LHX3: variants seen among roughly 807,000 people sequenced by gnomAD.
LHX3 encodes the protein LIM/homeobox protein Lhx3.
A neutral mutation model predicts 32.4 loss-of-function variants in LHX3; 21 were observed. That is an observed-to-expected ratio of 0.65 (90% confidence interval 0.46 to 0.93). The LOEUF is 0.93. Ranked by LOEUF, LHX3 falls within the 40% of genes least tolerant of loss-of-function variation. LHX3 has a pLI of 0.00. For missense variants in LHX3, 626 were observed against 560.0 expected, an observed-to-expected ratio of 1.12 and a Z score of -1.19; for synonymous variants, 258 against 246.8, an observed-to-expected ratio of 1.05 and a Z score of -0.43.
rs575944949 is a variant in LHX3 at position 136,196,983 on chromosome 9, C to A, written c.*342G>T. On this transcript the variant is annotated 3_prime_UTR_variant, in exon 6 of 6. Transcript: ENST00000371748. Reference sequence around the variant, plus strand: ...GAGATGAAAGCGTTTTTCCAGCCCTCGGGCTATGCTGGGCTGGGCTGGGCC... The same window carrying A: ...GAGATGAAAGCGTTTTTCCAGCCCTAGGGCTATGCTGGGCTGGGCTGGGCC... The A allele has an allele frequency of 1.3e-5, 5 of 385,434 alleles. No homozygotes were observed. Among genetic ancestry groups the A allele is most frequent in the Non-Finnish European group, 2.4e-5 (5 of 211,800 alleles). The allele number at this position is 385,434 out of a possible 1,614,324, so 23.9% of individuals were successfully genotyped here.
At chr9:136,203,493 A>C (rs1831695631) in intron 1 of LHX3, among the ~76,000 whole-genome samples, 2 of 152,140 alleles carry the variant, frequency 1.3e-5, no homozygotes, top group Non-Finnish European at 2.9e-5. Flanking sequence ...GGGGTCGAGA[A>C]GGCAGCAGGG....
At position 136,199,697 on chromosome 9, in the gene LHX3, G is replaced by GT; in HGVS notation, c.434dup (p.Tyr145Ter). Residue 145 changes from tyrosine to a stop codon, truncating the protein, a stop_gained and frameshift_variant, in exon 3 of 6, where the codon TAC becomes TAAC. Coordinates refer to ENST00000371748, the MANE Select transcript of LHX3 (RefSeq NM_178138.6). LOFTEE classifies it high-confidence loss of function. ...EDSRLVCKAD[Y>*]ETAKQREAEA... The stretch of plus-strand genomic sequence containing the variant: ...GCTGACCTCGCTGCTTGGCGGTTTC[G>GT]TAGTCCGCCTTGCACACGAGCCGGC... The GT allele has an allele frequency of 6.2e-7, 1 of 1,612,890 alleles. No homozygotes were observed.
In LHX3 at chr9:136,197,566, G is replaced by A. The variant is rs1209604946; in HGVS notation, c.953C>T (p.Pro318Leu). The A allele has an allele frequency of 1.3e-6, 2 of 1,533,186 alleles. No individual in the cohort carries two copies. The highest frequency in any genetic ancestry group is 1.8e-6 in the Non-Finnish European group (2 of 1,137,156). The allele number at this position is 1,533,186 out of a possible 1,614,324, so 95.0% of individuals were successfully genotyped here. A position where few individuals can be genotyped will look rare whatever the true frequency, so the allele number is the denominator to read the frequency against. ...ELRPGSPYGV[P>L]PSPAAPQSLP... Reference sequence around the variant, plus strand: ...GCTCTGCGGGGCGGCGGGGGATGGGGGGACACCGTAGGGGCTGCCGGGACG... The same window carrying A: ...GCTCTGCGGGGCGGCGGGGGATGGGAGGACACCGTAGGGGCTGCCGGGACG... Residue 318 changes from proline (P) to leucine (L), a missense_variant, in exon 6 of 6, where the codon CCC becomes CTC. Physicochemically the swap from Pro to Leu is moderately conservative, Grantham distance 98. Coordinates refer to ENST00000371748, the MANE Select transcript of LHX3 (RefSeq NM_178138.6).
intron 1 of LHX3, among the ~76,000 whole-genome samples, chr9:136,203,731 G>C (rs1161466811): frequency 6.6e-6 from 1 of 152,208 alleles, no homozygotes; most frequent in Non-Finnish European, 1.5e-5. Flanking sequence ...CTGTGTCCTG[G>C]ACACGCAGCC....
In LHX3 at chr9:136,197,525, G is replaced by C; in HGVS notation, c.994C>G (p.Pro332Ala). ...GGGTACACCAGGCTGGAGAGGAGGG[G>C]CTGGGGGCCAGGGAGGCTCTGCGGG... ...AAPQSLPGPQPLLSSLVYPDT... is the reference protein window; with the variant it reads ...AAPQSLPGPQALLSSLVYPDT... The change falls in exon 6 of 6, where the codon CCC (proline) becomes GCC (alanine). Residue 332 changes from proline to alanine, a missense_variant. Coordinates refer to ENST00000371748, the MANE Select transcript of LHX3 (RefSeq NM_178138.6). 2 of 1,535,186 alleles carry C rather than the reference G, an allele frequency of 1.3e-6. No individual in the cohort carries two copies. The highest frequency in any genetic ancestry group is 1.8e-6 in the Non-Finnish European group (2 of 1,137,278).
chr9:136,202,457 G>C (rs1186865545), intron 1 of LHX3, among the ~76,000 whole-genome samples: 1 of 152,208 alleles, frequency 6.6e-6, no homozygotes, highest in African/African-American at 2.4e-5. Context: ...CCTGAGCGGG[G>C]ATAAACCGAG....
chr9:136,204,755 G>A (rs1409176421), intron 1 of LHX3, among the ~76,000 whole-genome samples, 179 bp downstream of exon 1: 6 of 152,170 alleles, frequency 3.9e-5, no homozygotes, highest in Non-Finnish European at 8.8e-5. Context: ...GCAGGCCAGC[G>A]TCAGGCCCTC....
At chr9:136,203,082 T>G in intron 1 of LHX3, 4 of 1,464,576 alleles carry the variant, frequency 2.7e-6, no homozygotes, top group East Asian at 2.9e-5. Context: ...TCCCGAACTT[T>G]CCCGGGCCCA....
intron 1 of LHX3, chr9:136,201,451 C>T: frequency 8.2e-7 from 1 of 1,220,820 alleles, no homozygotes. Flanking sequence ...CACTTCGGTA[C>T]TGCAGGCCCC....
At chr9:136,201,739 C>CA in intron 1 of LHX3, 1 of 977,940 alleles carries the variant, frequency 1.0e-6, no homozygotes, top group Non-Finnish European at 1.2e-6. Context: ...TGCGCCTCCC[C>CA]ACGCAGTGGC....
rs1316330219 is a variant in LHX3, at chr9:136,198,617, CG to C, written c.775+34del. 2.0e-6 allele frequency: 3 copies of C among 1,484,322 alleles called. No individual in the cohort carries two copies. In the African/African-American group the frequency reaches 4.6e-5, roughly 23 times the overall value. The allele number at this position is 1,484,322 out of a possible 1,614,324, so 91.9% of individuals were successfully genotyped here. A position where few individuals can be genotyped will look rare whatever the true frequency, so the allele number is the denominator to read the frequency against. On this transcript the variant is annotated intron_variant, in intron 5 of 5. Transcript: ENST00000371748. ...CCCTGCGACCCCGCCGACGCGCGCT[CG>C]TCCCCCCCCGAGCTCCGCGATCCCT...
rs766547912 is a variant in LHX3 at position 136,198,769 on chromosome 9, C to A, written c.658G>T (p.Gly220Cys). The A allele has an allele frequency of 3.1e-6, 5 of 1,611,000 alleles. No individual in the cohort carries two copies. In the African/African-American group the frequency reaches 6.7e-5, roughly 22 times the overall value. Reference sequence around the variant, plus strand: ...AAATACTGCCCCCAGCGCTGCCGGCCGGCGTCCTTCTTCAGCCTCTTCTCC... The same window carrying A: ...AAATACTGCCCCCAGCGCTGCCGGCAGGCGTCCTTCTTCAGCCTCTTCTCC... ...AKEKRLKKDAGRQRWGQYFRN... is the reference protein window; with the variant it reads ...AKEKRLKKDACRQRWGQYFRN... Residue 220 changes from glycine (G) to cysteine (C), a missense_variant, in exon 5 of 6, where the codon GGC becomes TGC. Gly to Cys is a radical substitution (Grantham distance 159, BLOSUM62 -3). Transcript: ENST00000371748.
In LHX3 at chr9:136,197,568, G is replaced by A. The variant is rs769030989; in HGVS notation, c.951C>T (p.Val317=). The A allele has an allele frequency of 1.3e-6, 2 of 1,532,104 alleles. No individual in the cohort carries two copies. The highest frequency in any genetic ancestry group is 2.0e-5 in the Admixed American group (1 of 50,478). 94.9% of individuals were successfully genotyped at this position (1,532,104 alleles called of 1,614,324 possible). A position where few individuals can be genotyped will look rare whatever the true frequency, so the allele number is the denominator to read the frequency against. Reference sequence around the variant, plus strand: ...TCTGCGGGGCGGCGGGGGATGGGGGGACACCGTAGGGGCTGCCGGGACGCA... The same window carrying A: ...TCTGCGGGGCGGCGGGGGATGGGGGAACACCGTAGGGGCTGCCGGGACGCA... The part of the protein sequence containing the change: ...RELRPGSPYG[V]PPSPAAPQSL... Residue 317 remains valine (V), a synonymous_variant, in exon 6 of 6, where the codon GTC becomes GTT. Transcript: ENST00000371748.
intron 1 of LHX3, among the ~76,000 whole-genome samples, chr9:136,202,530 C>A (rs1831670281): frequency 6.6e-6 from 1 of 152,212 alleles, no homozygotes; most frequent in Non-Finnish European, 1.5e-5. Context: ...CGGAGTTCAG[C>A]TCGACCTTGG....
rs376405589 is a variant in LHX3 at position 136,197,758 on chromosome 9, G to T, written c.776-15C>A. 1.0e-4 allele frequency: 167 copies of T among 1,599,144 alleles called. No individual in the cohort carries two copies. Among genetic ancestry groups the T allele is most frequent in the Non-Finnish European group, 1.4e-4 (164 of 1,179,542 alleles). On this transcript the variant is annotated splice_polypyrimidine_tract_variant and intron_variant, in intron 5 of 5. Coordinates refer to ENST00000371748, the MANE Select transcript of LHX3 (RefSeq NM_178138.6). ...GGAAGGCTCATCTGCAACAGAAGCA[G>T]AGGCTCAGTCAGCGCCTGCCCTCCA...
chr9:136,199,670 C>A lies in LHX3; in HGVS notation c.454+8G>T, dbSNP rs2131034352. The A allele has an allele frequency of 1.2e-6, 2 of 1,612,734 alleles. No homozygotes were observed. Among genetic ancestry groups the A allele is most frequent in the Admixed American group, 3.3e-5 (2 of 60,024 alleles). On this transcript the variant is annotated splice_region_variant and intron_variant, in intron 3 of 5. Transcript: ENST00000371748. ...AGGAAAGGTGGGAGCGTCGTCCCCT[C>A]GGCTGACCTCGCTGCTTGGCGGTTT...
At chr9:136,199,152 G>T in intron 3 of LHX3, 93 bp from the exon 4 acceptor site, 2 of 633,962 alleles carry the variant, frequency 3.2e-6, no homozygotes, top group Non-Finnish European at 4.4e-6. Context: ...GGACGTCGGG[G>T]CCTCAGGTGC....
intron 1 of LHX3, chr9:136,202,963 C>T: frequency 1.3e-6 from 2 of 1,532,090 alleles, no homozygotes; most frequent in South Asian, 1.2e-5. Context: ...CAGGTCCGCC[C>T]TCCGCGCCAG....
Position 136,202,992 on chromosome 9 carries a change from G to C in LHX3, c.79+1942C>G, listed in dbSNP as rs1382560986. On this transcript the variant is annotated intron_variant, in intron 1 of 5. Transcript: ENST00000371748. The stretch of plus-strand genomic sequence containing the variant: ...GCGCCAGCAGTGCTAGCAGCAGGTC[G>C]CCTCCCGCCGACTCCCGGGCCGGGC... 5 of 1,525,466 alleles carry C rather than the reference G, an allele frequency of 3.3e-6. No homozygotes were observed. The East Asian group carries it at 1.0e-4, about 30-fold the overall frequency. The allele number at this position is 1,525,466 out of a possible 1,614,324, so 94.5% of individuals were successfully genotyped here. A position where few individuals can be genotyped will look rare whatever the true frequency, so the allele number is the denominator to read the frequency against.
Sources: allele counts gnomAD v4.1 joint callset (sites outside exome capture counted in the v4.1 genomes callset), GRCh38; gene constraint gnomAD v4.1.1; transcripts MANE v1.5; gene names NCBI Gene and HGNC (gene_info 2026-07-23, HGNC 2026-07-21).